The following ZNF592 variants were observed in gnomAD, a reference collection of about 807,000 sequenced individuals.
ZNF592 encodes the protein spinocerebellar ataxia, autosomal recessive 5.
In ZNF592, 11 loss-of-function variants were observed where a neutral mutation model predicts 80.3. The ratio of observed to expected loss-of-function variants is 0.14; its 90% CI spans 0.09 to 0.23. The LOEUF is 0.23. ZNF592 is among the 10% of genes least tolerant of loss of function. The probability of loss-of-function intolerance (pLI) is 1.00; values close to 1 mark genes in which losing one functional copy is unlikely to be tolerated. For synonymous variants in ZNF592, 646 were observed against 640.3 expected (o/e 1.01, Z -0.13); for missense variants, 1,420 against 1,633.9 (o/e 0.87, Z 2.26).
At chr15:84,796,406 T>C (rs1165405724) in intron 5 of ZNF592, among the ~76,000 whole-genome samples, 1 of 150,688 alleles carries the variant, frequency 6.6e-6, no homozygotes, top group African/African-American at 2.4e-5. Context: ...GTCAATAATA[T>C]GAGGGCAGAC....
intron 2 of ZNF592, among the ~76,000 whole-genome samples, chr15:84,774,452 T>C (rs1962183201): frequency 6.6e-6 from 1 of 152,238 alleles, no homozygotes. Flanking sequence ...TGGCTGGTCC[T>C]TGAGCACACA....
At chr15:84,776,110 T>G (rs564281988) in intron 2 of ZNF592, among the ~76,000 whole-genome samples, 1 of 152,346 alleles carries the variant, frequency 6.6e-6, no homozygotes, top group South Asian at 2.1e-4. Flanking sequence ...GCCTCTTGAC[T>G]AGGCTGTTCT....
rs780075461 is a variant in ZNF592, at chr15:84,797,990, A to G, written c.2521A>G (p.Ser841Gly). 3.7e-6 allele frequency: 6 copies of G among 1,614,076 alleles called. No homozygotes were observed. The highest frequency in any genetic ancestry group is 5.1e-6 in the Non-Finnish European group (6 of 1,180,040). The change falls in exon 6 of 11, where the codon AGC becomes GGC. Residue 841 changes from serine to glycine, a missense_variant. Ser to Gly is a moderately conservative substitution (Grantham distance 56). Transcript: ENST00000560079. ...FCPMAFKTAS[S>G]TADHSATQHP... Reference sequence around the variant, plus strand: ...CCCCATGGCCTTCAAGACTGCCAGCAGCACTGCAGACCACAGTGCCACCCA... The same window carrying G: ...CCCCATGGCCTTCAAGACTGCCAGCGGCACTGCAGACCACAGTGCCACCCA...
At chr15:84,768,230 C>CTTTTTTTTTTTTTTTTTTTTT (rs995969490) in intron 2 of ZNF592, among the ~76,000 whole-genome samples, 6 of 122,338 alleles carry the variant, frequency 4.9e-5, no homozygotes, top group Non-Finnish European at 6.7e-5. Context: ...TTCTTTCTTT[C>CTTTTTTTTTTTTTTTTTTTTT]TTTTTTTTTT....
Position 84,784,732 on chromosome 15 carries a change from C to T in ZNF592, c.2057C>T (p.Thr686Ile). 1 of 1,614,164 alleles carries T rather than the reference C, an allele frequency of 6.2e-7. No homozygotes were observed. ...APSSSPKHGL[T>I]SGSASPPPPA... Reference sequence around the variant, plus strand: ...TCATCCTCTCCCAAACATGGCCTCACTTCGGGCAGTGCCAGTCCCCCTCCT... The same window carrying T: ...TCATCCTCTCCCAAACATGGCCTCATTTCGGGCAGTGCCAGTCCCCCTCCT... Residue 686 changes from threonine to isoleucine, a missense_variant, in exon 4 of 11, where the codon ACT (threonine) becomes ATT (isoleucine). Physicochemically the swap from Thr to Ile is moderately conservative, Grantham distance 89 (BLOSUM62 -1). Coordinates refer to ENST00000560079, the MANE Select transcript of ZNF592 (RefSeq NM_014630.3). The surrounding 1 kb of genome is among the most constrained non-coding windows in gnomAD (Gnocchi z 5.8).
intron 5 of ZNF592, among the ~76,000 whole-genome samples, chr15:84,793,674 C>T (rs1428065158): frequency 2.0e-5 from 3 of 152,158 alleles, no homozygotes; most frequent in African/African-American, 4.8e-5. Context: ...CAAGAAGAAA[C>T]CTCATATCCA....
chr15:84,787,941 G>T (rs566193608), intron 4 of ZNF592, among the ~76,000 whole-genome samples: 1 of 152,172 alleles, frequency 6.6e-6, no homozygotes, highest in East Asian at 1.9e-4. Context: ...GAAGAAATTG[G>T]GTCATGTGTT....
At chr15:84,786,403 G>A (rs1962586042) in intron 4 of ZNF592, among the ~76,000 whole-genome samples, 1 of 152,190 alleles carries the variant, frequency 6.6e-6, no homozygotes, top group Non-Finnish European at 1.5e-5. Flanking sequence ...GTTTGGAGGA[G>A]TAGGAGGGGC....
rs543985467 is a variant in ZNF592 at position 84,770,088 on chromosome 15, T to A, written c.-150+5273T>A. ...AGAGGTGGTGAGAAATGGCTGGACT[T>A]GAATATATTTTGAAGGTTGAGTTGA... is the stretch of plus-strand genomic sequence containing the variant. On this transcript the variant is annotated intron_variant, in intron 2 of 10. Transcript: ENST00000560079. 3.3e-5 allele frequency among the ~76,000 whole-genome samples: 5 copies of A among 152,286 alleles called. No homozygotes were observed. The South Asian group carries it at 1.0e-3, about 32-fold the overall frequency.
At chr15:84,758,450 T>C (rs1899246900) in intron 1 of ZNF592, among the ~76,000 whole-genome samples, 1 of 151,840 alleles carries the variant, frequency 6.6e-6, no homozygotes, top group Non-Finnish European at 1.5e-5. Context: ...ACCAACTAAT[T>C]TTTTTGTATT....
At chr15:84,778,695 T>G (rs984224525) in intron 3 of ZNF592, among the ~76,000 whole-genome samples, 1 of 152,150 alleles carries the variant, frequency 6.6e-6, no homozygotes, top group Non-Finnish European at 1.5e-5. Context: ...CCTGTGGAGA[T>G]GCTACACTAA....
intron 1 of ZNF592, among the ~76,000 whole-genome samples, chr15:84,761,029 T>G (rs1430229257): frequency 6.6e-6 from 1 of 151,904 alleles, no homozygotes; most frequent in East Asian, 1.9e-4. Context: ...AATGGCACAA[T>G]CTTGGCTCAC....
At chr15:84,786,841 C>CTTTTTTTTTT (rs35391255) in intron 4 of ZNF592, among the ~76,000 whole-genome samples, 8 of 70,838 alleles carry the variant, frequency 1.1e-4, no homozygotes, top group Non-Finnish European at 1.3e-4. Flanking sequence ...CCTTACGTAT[C>CTTTTTTTTTT]TTTTTTTTTT....
chr15:84,758,829 G>A (rs1899260466), intron 1 of ZNF592, among the ~76,000 whole-genome samples: 1 of 152,008 alleles, frequency 6.6e-6, no homozygotes, highest in South Asian at 2.1e-4. Flanking sequence ...GGGAGGCTGA[G>A]GTGGGAGAAT....
intron 2 of ZNF592, among the ~76,000 whole-genome samples, chr15:84,776,204 G>C (rs542557943): frequency 2.6e-5 from 4 of 152,222 alleles, no homozygotes; most frequent in Non-Finnish European, 5.9e-5. Flanking sequence ...AGGCTCTGTA[G>C]GCCAGGCCAT....
Position 84,782,661 on chromosome 15 carries a change from T to C in ZNF592, c.-15T>C. The C allele has an allele frequency of 1.2e-6, 2 of 1,614,052 alleles. No individual in the cohort carries two copies. Among genetic ancestry groups the C allele is most frequent in the Admixed American group, 3.3e-5 (2 of 60,016 alleles). On this transcript the variant is annotated 5_prime_UTR_variant, in exon 4 of 11. Coordinates refer to ENST00000560079, the MANE Select transcript of ZNF592 (RefSeq NM_014630.3). ...TGTTTTCTGTTTCTGTTACAGCCCT[T>C]GCCAGCATCCAGCCATGGGGGATAT...
At chr15:84,792,758 A>G (rs1397954631) in intron 5 of ZNF592, among the ~76,000 whole-genome samples, 1 of 152,178 alleles carries the variant, frequency 6.6e-6, no homozygotes, top group Non-Finnish European at 1.5e-5. Context: ...TGGCATTATA[A>G]ACATTTAAAA....
intron 1 of ZNF592, chr15:84,753,650 T>C (rs573240798): frequency 6.6e-6 from 1 of 152,254 alleles, no homozygotes; most frequent in South Asian, 2.1e-4. Flanking sequence ...TTTTTGTATT[T>C]TTAGTAGAGA....
intron 1 of ZNF592, among the ~76,000 whole-genome samples, chr15:84,750,580 G>C (rs762786000): frequency 1.1e-4 from 17 of 152,186 alleles, no homozygotes; most frequent in Non-Finnish European, 1.5e-4. Flanking sequence ...GCCTGGGAAG[G>C]CTTCCTAAGA....
Sources: gnomAD v4.1 joint callset for allele counts (sites outside exome capture counted in the v4.1 genomes callset) on GRCh38, gnomAD v4.1.1 for gene constraint, Gnocchi (gnomAD v3.1) non-coding constraint, MANE v1.5 for transcripts, NCBI Gene and HGNC (gene_info 2026-07-23, HGNC 2026-07-21) for gene names.